CRY1: variants seen among roughly 807,000 people sequenced by gnomAD.
The protein encoded by CRY1 is cryptochrome circadian regulator 1.
A neutral mutation model predicts 76.0 loss-of-function variants in CRY1; 45 were observed. The observed-to-expected ratio is 0.59, with a 90% confidence interval of 0.47 to 0.76. The LOEUF (loss-of-function observed/expected upper bound fraction) is 0.76, where lower values mean the gene tolerates loss of function less well. CRY1 is among the 30% of genes least tolerant of loss of function. CRY1 has a pLI of 0.00. For synonymous variants in CRY1, 248 were observed against 244.0 expected (o/e 1.02, Z -0.15); for missense variants, 587 against 716.4 (o/e 0.82, Z 2.06).
intron 1 of CRY1, among the ~76,000 whole-genome samples, chr12:107,066,996 G>T (rs904931545): frequency 1.3e-5 from 2 of 151,930 alleles, no homozygotes; most frequent in African/African-American, 4.8e-5. Context: ...TGTTTGAAGA[G>T]ACTGAGTCTC....
In CRY1 at chr12:106,999,567, CA is replaced by C; in HGVS notation, c.1120del (p.Trp374GlyfsTer5). ...AACACTTACCTTCATTCCTTCTTCC[CA>C]ACTAATCCACAGGTCCCCTCGTGTC... ...FLTRGDLWIS[W>X]EEGMKVFEEL... On this transcript the variant is annotated frameshift_variant, in exon 7 of 13. Coordinates refer to ENST00000008527, the MANE Select transcript of CRY1 (RefSeq NM_004075.5). LOFTEE classifies it high-confidence loss of function. 1 of 1,612,414 alleles carries C rather than the reference CA, an allele frequency of 6.2e-7. No individual in the cohort carries two copies. The highest frequency in any genetic ancestry group is 8.5e-7 in the Non-Finnish European group (1 of 1,179,304).
At chr12:107,032,197 G>A (rs1296934604) in intron 1 of CRY1, among the ~76,000 whole-genome samples, 1 of 151,200 alleles carries the variant, frequency 6.6e-6, no homozygotes, top group Non-Finnish European at 1.5e-5. Context: ...GCCTCCCAAA[G>A]TGCTGGGATT....
chr12:107,003,663 G>A (rs1952337170), intron 3 of CRY1, among the ~76,000 whole-genome samples: 1 of 152,122 alleles, frequency 6.6e-6, no homozygotes, highest in Admixed American at 6.5e-5. Context: ...ATGTAATGAT[G>A]CTACAATAAT....
chr12:107,005,240 GT>G lies in CRY1; in HGVS notation c.275del (p.Asn92ThrfsTer31). On this transcript the variant is annotated frameshift_variant, in exon 3 of 13. Coordinates refer to ENST00000008527, the MANE Select transcript of CRY1 (RefSeq NM_004075.5). LOFTEE classifies it high-confidence loss of function. ...DVFPRLFKEW[N>X]ITKLSIEYDS... ...CATACTCAATTGAAAGTTTAGTAAT[GT>G]TCCATTCCTAAAGTAAGAGAAAGGG... The G allele has an allele frequency of 6.2e-6, 10 of 1,610,380 alleles. No individual in the cohort carries two copies. Among genetic ancestry groups the G allele is most frequent in the Non-Finnish European group, 7.6e-6 (9 of 1,178,518 alleles).
At chr12:107,031,538 G>A (rs1412214022) in intron 1 of CRY1, among the ~76,000 whole-genome samples, 1 of 152,088 alleles carries the variant, frequency 6.6e-6, no homozygotes, top group Non-Finnish European at 1.5e-5. Flanking sequence ...TTACAGCAGT[G>A]AATACTGACA....
intron 2 of CRY1, among the ~76,000 whole-genome samples, chr12:107,005,655 C>A (rs10735419): frequency 0.5 from 76,727 of 151,990 alleles, 20,292 homozygotes; most frequent in East Asian, 0.72. Flanking sequence ...TGCCAGAGTT[C>A]ACAGAAAGCC....
chr12:107,021,962 C>T (rs1952563470), intron 2 of CRY1, 122 bp downstream of exon 2: 2 of 735,920 alleles, frequency 2.7e-6, no homozygotes, highest in Non-Finnish European at 4.4e-6. Flanking sequence ...AAAAAACCCA[C>T]AAAATTTTTA....
chr12:107,003,215 T>C (rs1166461014), intron 3 of CRY1, among the ~76,000 whole-genome samples: 1 of 152,178 alleles, frequency 6.6e-6, no homozygotes, highest in Non-Finnish European at 1.5e-5. Context: ...TTTAAGTATC[T>C]TTTTACTTCT....
At position 107,062,874 on chromosome 12, in the gene CRY1, A is replaced by G. The variant is rs1448899307; in HGVS notation, c.158+29930T>C. On this transcript the variant is annotated intron_variant, in intron 1 of 12. Transcript: ENST00000008527. ...AAGTGAATTTCAGTCTTTTTGGCAA[A>G]TATTTCCCTACTTCCTAAAACATTC... Among the ~76,000 whole-genome samples the G allele has an allele frequency of 2.0e-5, 3 of 152,206 alleles. No individual in the cohort carries two copies. The East Asian group carries it at 5.8e-4, about 29-fold the overall frequency.
intron 1 of CRY1, among the ~76,000 whole-genome samples, chr12:107,024,098 C>T (rs1043996866): frequency 1.3e-5 from 2 of 152,106 alleles, no homozygotes; most frequent in Non-Finnish European, 2.9e-5. Context: ...TGAAACAGTA[C>T]AAAACTTAAA....
chr12:107,076,995 G>A (rs1405950870), intron 1 of CRY1, among the ~76,000 whole-genome samples: 1 of 152,090 alleles, frequency 6.6e-6, no homozygotes. Context: ...TGCTTCCTGA[G>A]CAGCCTGCAG....
chr12:107,009,771 T>TA (rs897672892), intron 2 of CRY1, among the ~76,000 whole-genome samples: 2 of 151,348 alleles, frequency 1.3e-5, no homozygotes, highest in African/African-American at 2.4e-5. Context: ...TTTTTTTAAA[T>TA]AAAAAATATT....
intron 1 of CRY1, among the ~76,000 whole-genome samples, chr12:107,061,501 T>C (rs1953046399): frequency 6.6e-6 from 1 of 151,764 alleles, no homozygotes; most frequent in Non-Finnish European, 1.5e-5. Context: ...TGCCTCAGCC[T>C]CCTGGGTAGC....
chr12:107,009,299 G>C (rs1020748045), intron 2 of CRY1, among the ~76,000 whole-genome samples: 2 of 151,830 alleles, frequency 1.3e-5, no homozygotes, highest in East Asian at 3.9e-4. Flanking sequence ...AGCTCTTTGG[G>C]AGGCTGAGGC....
intron 7 of CRY1, among the ~76,000 whole-genome samples, chr12:106,998,782 C>T (rs1264600974): frequency 2.0e-5 from 3 of 151,846 alleles, no homozygotes; most frequent in Non-Finnish European, 2.9e-5. Context: ...GTGGCTCATG[C>T]GTGTAATCCC....
chr12:107,059,277 G>C (rs890217202), intron 1 of CRY1, among the ~76,000 whole-genome samples: 4 of 152,080 alleles, frequency 2.6e-5, no homozygotes, highest in African/African-American at 9.7e-5. Flanking sequence ...TCTGAAACAG[G>C]GTCTTGTTCT....
Position 107,042,096 on chromosome 12 carries a change from A to G in CRY1, c.159-19904T>C, listed in dbSNP as rs556163249. Among the ~76,000 whole-genome samples, 4 of 152,350 alleles carry G rather than the reference A, an allele frequency of 2.6e-5. No homozygotes were observed. In the East Asian group the frequency reaches 7.7e-4, roughly 29 times the overall value. ...TACATTATGACCCAAAGAGTAAAAA[A>G]AATATACTCATGAGTCTGTACTTTT... On this transcript the variant is annotated intron_variant, in intron 1 of 12. Coordinates refer to ENST00000008527, the MANE Select transcript of CRY1 (RefSeq NM_004075.5).
At chr12:107,008,333 T>C (rs1952398359) in intron 2 of CRY1, among the ~76,000 whole-genome samples, 1 of 152,192 alleles carries the variant, frequency 6.6e-6, no homozygotes, top group Non-Finnish European at 1.5e-5. Flanking sequence ...AGTAATACAC[T>C]AAGTATTTAT....
At position 107,028,500 on chromosome 12, in the gene CRY1, C is replaced by T. The variant is rs181077969; in HGVS notation, c.159-6308G>A. Among the ~76,000 whole-genome samples, 97 of 152,202 alleles carry T rather than the reference C, an allele frequency of 6.4e-4. No individual in the cohort carries two copies. The East Asian group carries it at 0.014, about 21-fold the overall frequency. ...TTTTTATAACTAATATTTTGCAATG[C>T]CCTCTTTTAAATCCTGAAATAAAAG... On this transcript the variant is annotated intron_variant, in intron 1 of 12. Transcript: ENST00000008527.
Sources: gnomAD v4.1 joint callset for allele counts (sites outside exome capture counted in the v4.1 genomes callset) on GRCh38, gnomAD v4.1.1 for gene constraint, MANE v1.5 for transcripts, NCBI Gene and HGNC (gene_info 2026-07-23, HGNC 2026-07-21) for gene names.